ZFHX3: variants seen among roughly 807,000 people sequenced by gnomAD.
The protein encoded by ZFHX3 is zinc finger homeobox 3.
In ZFHX3, 42 loss-of-function variants were observed where a neutral mutation model predicts 279.1. The observed-to-expected ratio is 0.15, with a 90% CI of 0.12 to 0.19. The LOEUF (loss-of-function observed/expected upper bound fraction) is 0.19. Among genes scored for constraint, ZFHX3 ranks in the 10% least tolerant of loss-of-function variants. The pLI, the probability that ZFHX3 is intolerant of heterozygous loss-of-function variation, is 1.00. For missense variants in ZFHX3, 4,981 were observed against 4,754.0 expected (o/e 1.05, Z -1.40); for synonymous variants, 2,293 against 1,957.8 (o/e 1.17, Z -4.52).
Position 72,975,037 on chromosome 16 carries a change from C to T in ZFHX3, c.-49-14843G>A, listed in dbSNP as rs1423705193. Among the ~76,000 whole-genome samples, 5 of 152,230 alleles carry T rather than the reference C, an allele frequency of 3.3e-5. No individual in the cohort carries two copies. The East Asian group carries it at 5.8e-4, about 18-fold the overall frequency. ...TTCTCTTTCTTAGGGTAAAGTGAAC[C>T]GGCAGCAAGAACTACCACCAGGACG... On this transcript the variant is annotated intron_variant, in intron 1 of 9. Coordinates refer to ENST00000268489, the MANE Select transcript of ZFHX3 (RefSeq NM_006885.4).
At chr16:73,618,125 G>A (rs1223253324) in intron 2 of ZFHX3, among the ~76,000 whole-genome samples, 4 of 152,138 alleles carry the variant, frequency 2.6e-5, no homozygotes, top group South Asian at 2.1e-4. Flanking sequence ...AGTGTGGTCC[G>A]GCGTCTATAG....
At chr16:72,817,143 G>T (rs2036632136) in intron 5 of ZFHX3, among the ~76,000 whole-genome samples, 1 of 152,324 alleles carries the variant, frequency 6.6e-6, no homozygotes, top group Non-Finnish European at 1.5e-5. Flanking sequence ...TAGAAAACTT[G>T]TCAAGTGGAC....
upstream of ZFHX3, among the ~76,000 whole-genome samples, chr16:73,052,950 G>C (rs1176801614): frequency 4.6e-5 from 7 of 152,208 alleles, no homozygotes; most frequent in Non-Finnish European, 7.4e-5. Flanking sequence ...GAGGTGACAG[G>C]GGCTTTCACA....
chr16:73,302,761 G>A (rs1369983949), intron 4 of ZFHX3, among the ~76,000 whole-genome samples: 3 of 152,308 alleles, frequency 2.0e-5, no homozygotes, highest in East Asian at 3.9e-4. Context: ...ATGACCATCT[G>A]AGCAGTGGCA....
rs188018199 is a variant in ZFHX3, at chr16:73,563,663, C to G, written c.-1546-107405G>C. On this transcript the variant is annotated intron_variant, in intron 2 of 17. Transcript: ENST00000641206. ...AAGTACAACATCACTTCCTATCCTC[C>G]CACCCTCCACATCCTGCAGTCCCCC... 6.9e-3 allele frequency among the ~76,000 whole-genome samples: 1,054 copies of G among 152,252 alleles called. 10 individuals carry two copies. The highest frequency in any genetic ancestry group is 0.024 in the African/African-American group (1,005 of 41,548).
chr16:72,896,226 CGTCA>C (rs1373952017), intron 3 of ZFHX3, among the ~76,000 whole-genome samples: 4 of 152,170 alleles, frequency 2.6e-5, no homozygotes, highest in African/African-American at 9.7e-5. Flanking sequence ...GGCTCACTCA[CGTCA>C]GTCAAAGAGA....
At chr16:73,619,526 A>ATATATATATATATAT (rs2052338157) in intron 2 of ZFHX3, among the ~76,000 whole-genome samples, 1 of 149,210 alleles carries the variant, frequency 6.7e-6, no homozygotes, top group African/African-American at 2.5e-5. Flanking sequence ...ATATGTCTGT[A>ATATATATATATATAT]AGCTATCAGC....
intron 1 of ZFHX3, among the ~76,000 whole-genome samples, chr16:73,843,488 G>T (rs1236857059): frequency 6.6e-6 from 1 of 152,182 alleles, no homozygotes; most frequent in Admixed American, 6.5e-5. Flanking sequence ...GACAGGGTCT[G>T]GTCTTACAGC....
At chr16:72,887,249 G>C (rs901011373) in intron 4 of ZFHX3, among the ~76,000 whole-genome samples, 1 of 152,120 alleles carries the variant, frequency 6.6e-6, no homozygotes, top group Non-Finnish European at 1.5e-5. Context: ...AAATGAAGCT[G>C]ACAGAAAAAC....
At chr16:73,096,307 C>T (rs1055625558) in intron 7 of ZFHX3, among the ~76,000 whole-genome samples, 9 of 151,650 alleles carry the variant, frequency 5.9e-5, no homozygotes, top group African/African-American at 2.2e-4. Context: ...CTCAGGGGAT[C>T]TCCCTCCATC....
At chr16:73,431,435 G>A (rs2017909447) in intron 3 of ZFHX3, among the ~76,000 whole-genome samples, 1 of 152,106 alleles carries the variant, frequency 6.6e-6, no homozygotes, top group Admixed American at 6.5e-5. Context: ...CAGCTACTCA[G>A]TAGGCTGAGG....
chr16:73,668,804 A>C (rs938621285), intron 2 of ZFHX3, among the ~76,000 whole-genome samples: 1 of 152,204 alleles, frequency 6.6e-6, no homozygotes, highest in African/African-American at 2.4e-5. Flanking sequence ...CAACAAACAT[A>C]TGAAGAAAAG....
intron 5 of ZFHX3, among the ~76,000 whole-genome samples, chr16:72,815,667 A>G (rs2036584058): frequency 6.6e-6 from 1 of 152,258 alleles, no homozygotes; most frequent in African/African-American, 2.4e-5. Flanking sequence ...CTTAAACTCT[A>G]GAAGACATGT....
intron 8 of ZFHX3, among the ~76,000 whole-genome samples, chr16:73,084,019 A>G (rs1056248707): frequency 1.3e-5 from 2 of 152,210 alleles, no homozygotes; most frequent in Non-Finnish European, 2.9e-5. Flanking sequence ...AGACATTTCT[A>G]GTAGTGACAA....
intron 5 of ZFHX3, among the ~76,000 whole-genome samples, chr16:73,195,947 T>G (rs1033069948): frequency 6.6e-6 from 1 of 152,174 alleles, no homozygotes; most frequent in Admixed American, 6.5e-5. Context: ...TTACCATCTT[T>G]ATACGTGTAT....
At chr16:73,529,897 C>T (rs1322154783) in intron 2 of ZFHX3, among the ~76,000 whole-genome samples, 2 of 151,236 alleles carry the variant, frequency 1.3e-5, no homozygotes, top group African/African-American at 2.4e-5. Flanking sequence ...AAGTAATTCC[C>T]CACATGTGCA....
intron 2 of ZFHX3, among the ~76,000 whole-genome samples, chr16:73,535,559 G>T (rs2019884985): frequency 6.6e-6 from 1 of 152,142 alleles, no homozygotes; most frequent in Non-Finnish European, 1.5e-5. Context: ...TCTCCCATGA[G>T]GACAGGGTAG....
At chr16:73,536,912 G>C (rs1192128370) in intron 2 of ZFHX3, among the ~76,000 whole-genome samples, 1 of 152,042 alleles carries the variant, frequency 6.6e-6, no homozygotes, top group African/African-American at 2.4e-5. Context: ...ATTTGCATAG[G>C]TTAATTCAAT....
At chr16:73,703,931 A>C (rs1366617227) in intron 1 of ZFHX3, among the ~76,000 whole-genome samples, 1 of 152,218 alleles carries the variant, frequency 6.6e-6, no homozygotes, top group Non-Finnish European at 1.5e-5. Context: ...CAACCAAGCC[A>C]GTTCTATCTG....
Sources: allele counts gnomAD v4.1 joint callset (sites outside exome capture counted in the v4.1 genomes callset), GRCh38; gene constraint gnomAD v4.1.1; transcripts MANE v1.5; gene names NCBI Gene and HGNC (gene_info 2026-07-23, HGNC 2026-07-21).